Variants in TRIR observed in about 807,000 individuals in gnomAD.
TRIR encodes the protein telomerase RNA component-interacting RNase.
A neutral mutation model predicts 18.2 loss-of-function variants in TRIR; 5 were observed. The observed-to-expected ratio is 0.27, with a 90% CI of 0.14 to 0.58. The LOEUF is 0.58. Among genes scored for constraint, TRIR ranks in the 20% least tolerant of loss-of-function variants. The probability of loss-of-function intolerance (pLI) is 0.91; values close to 1 mark genes in which losing one functional copy is unlikely to be tolerated. For missense variants in TRIR, 206 were observed against 252.8 expected (o/e 0.81, Z 1.25); for synonymous variants, 134 against 114.4 (o/e 1.17, Z -1.10).
rs1967412937 is a variant in TRIR at position 12,730,810 on chromosome 19, A to G, written c.*151T>C. On this transcript the variant is annotated 3_prime_UTR_variant, in exon 3 of 3. Coordinates refer to ENST00000242784, the MANE Select transcript of TRIR (RefSeq NM_024038.4). ...AGGCAAGTGCTCAAGGTAAAAAAAG[A>G]GTCCTGGAGAATCGTCCACGGCTGC... is the stretch of plus-strand genomic sequence containing the variant. 7.3e-6 allele frequency: 5 copies of G among 682,328 alleles called. No homozygotes were observed. The highest frequency in any genetic ancestry group is 3.6e-5 in the African/African-American group (2 of 55,440). The allele number at this position is 682,328 out of a possible 1,614,324, so 42.3% of individuals were successfully genotyped here.
chr19:12,733,012 T>G (rs1338482754), intron 1 of TRIR, among the ~76,000 whole-genome samples: 1 of 152,100 alleles, frequency 6.6e-6, no homozygotes, highest in African/African-American at 2.4e-5. Flanking sequence ...CAAGCGATCC[T>G]CCTGTCTCAG....
chr19:12,731,812 A>G lies in TRIR; in HGVS notation c.346-391T>C, dbSNP rs931821139. 4 of 184,526 alleles carry G rather than the reference A, an allele frequency of 2.2e-5. No homozygotes were observed. The highest frequency in any genetic ancestry group is 3.4e-5 in the Non-Finnish European group (3 of 87,800). The allele number at this position is 184,526 out of a possible 1,614,324, so 11.4% of individuals were successfully genotyped here. On this transcript the variant is annotated intron_variant, in intron 1 of 2. Transcript: ENST00000242784. This position sits in a 1 kb window ranked among gnomAD's most constrained non-coding sequence, Gnocchi z 5.1. ...CTCCTTTCATTTTCACAGCTACCCT[A>G]AGATGAAAGTTAGAACCACCCCCTT...
In TRIR at chr19:12,734,528, C is replaced by G; in HGVS notation, c.130G>C (p.Val44Leu). 1.3e-6 allele frequency: 2 copies of G among 1,535,748 alleles called. No homozygotes were observed. The highest frequency in any genetic ancestry group is 1.7e-6 in the Non-Finnish European group (2 of 1,144,112). The change falls in exon 1 of 3, where the codon GTG becomes CTG. Residue 44 changes from valine to leucine, a missense_variant. This residue lies in a region of TRIR where 172 missense variants were observed against 165.0 expected (regional missense o/e 1.04). Coordinates refer to ENST00000242784, the MANE Select transcript of TRIR (RefSeq NM_024038.4). The surrounding 1 kb of genome is among the most constrained non-coding windows in gnomAD (Gnocchi z 4.1). ...ACCGGGCTCGAACCCGCGCCCGACA[C>G]CTCCTCGTCCCCGCTCTCGGGCGAC... ...GTSPESGDEE[V>L]SGAGSSPVSG...
Position 12,734,198 on chromosome 19 carries a change from C to T in TRIR, c.345+115G>A. ...CCACACCCTCAGCGGGTGACCCGGA[C>T]GGGCCCCTCATTCAGAACGGAAAGT... On this transcript the variant is annotated intron_variant, in intron 1 of 2. Transcript: ENST00000242784. This position sits in a 1 kb window ranked among gnomAD's most constrained non-coding sequence, Gnocchi z 4.1. 1.9e-6 allele frequency: 2 copies of T among 1,072,750 alleles called. No individual in the cohort carries two copies. The highest frequency in any genetic ancestry group is 2.5e-6 in the Non-Finnish European group (2 of 798,654). The allele number at this position is 1,072,750 out of a possible 1,614,324, so 66.5% of individuals were successfully genotyped here. A position where few individuals can be genotyped will look rare whatever the true frequency, so the allele number is the denominator to read the frequency against.
rs962963417 is a variant in TRIR at position 12,730,733 on chromosome 19, T to C, written c.*228A>G. 1.7e-5 allele frequency: 10 copies of C among 573,232 alleles called. No individual in the cohort carries two copies. The highest frequency in any genetic ancestry group is 3.1e-5 in the Non-Finnish European group (10 of 321,078). The allele number at this position is 573,232 out of a possible 1,614,324, so 35.5% of individuals were successfully genotyped here. A position where few individuals can be genotyped will look rare whatever the true frequency, so the allele number is the denominator to read the frequency against. On this transcript the variant is annotated 3_prime_UTR_variant, in exon 3 of 3. Transcript: ENST00000242784. ...GGAAGACAGAAAGAGCCAGAGAGAA[T>C]GAGGAGGTGAGAAGGGGGGGACAGT...
At position 12,731,410 on chromosome 19, in the gene TRIR, G is replaced by A; in HGVS notation, c.357C>T (p.Arg119=). 6.2e-7 allele frequency: 1 copy of A among 1,613,704 alleles called. No individual in the cohort carries two copies. Among genetic ancestry groups the A allele is most frequent in the Non-Finnish European group, 8.5e-7 (1 of 1,179,818 alleles). ...TGAGGGCTAGTTTGTTCCCGCCTCT[G>A]CGTTTGCCCACCTGGGTGAAGGGAC... ...PGSTLSFVGK[R]RGGNKLALKT... The change falls in exon 2 of 3, where the codon CGC becomes CGT. Residue 119 remains arginine (R), a synonymous_variant. Coordinates refer to ENST00000242784, the MANE Select transcript of TRIR (RefSeq NM_024038.4). The surrounding 1 kb of genome is among the most constrained non-coding windows in gnomAD (Gnocchi z 5.1).
chr19:12,734,173 C>T lies in TRIR; in HGVS notation c.345+140G>A, dbSNP rs1458390076. ...ACCCCAGTTGTCGGGAATCCAAGTT[C>T]CACACCCTCAGCGGGTGACCCGGAC... On this transcript the variant is annotated intron_variant, in intron 1 of 2. Coordinates refer to ENST00000242784, the MANE Select transcript of TRIR (RefSeq NM_024038.4). The surrounding 1 kb of genome is among the most constrained non-coding windows in gnomAD (Gnocchi z 4.1). The T allele has an allele frequency of 6.6e-6, 6 of 904,502 alleles. No individual in the cohort carries two copies. Among genetic ancestry groups the T allele is most frequent in the African/African-American group, 1.8e-5 (1 of 56,154 alleles). 56.0% of individuals were successfully genotyped at this position (904,502 alleles called of 1,614,324 possible). A position where few individuals can be genotyped will look rare whatever the true frequency, so the allele number is the denominator to read the frequency against.
In TRIR at chr19:12,731,126, C is replaced by A; in HGVS notation, c.424-58G>T. ...TGCCAGGAACCAGGGTCAGGACTGC[C>A]CTGAGACAGGTGACCCATTCCCAGT... On this transcript the variant is annotated intron_variant, in intron 2 of 2. Coordinates refer to ENST00000242784, the MANE Select transcript of TRIR (RefSeq NM_024038.4). This position sits in a 1 kb window ranked among gnomAD's most constrained non-coding sequence, Gnocchi z 5.1. 1 of 1,449,302 alleles carries A rather than the reference C, an allele frequency of 6.9e-7. No individual in the cohort carries two copies. The highest frequency in any genetic ancestry group is 1.7e-5 in the Admixed American group (1 of 59,738). The allele number at this position is 1,449,302 out of a possible 1,614,324, so 89.8% of individuals were successfully genotyped here.
In TRIR at chr19:12,731,190, A is replaced by G. The variant is rs1967421303; in HGVS notation, c.424-122T>C. 4 of 1,262,138 alleles carry G rather than the reference A, an allele frequency of 3.2e-6. No individual in the cohort carries two copies. Among genetic ancestry groups the G allele is most frequent in the Non-Finnish European group, 4.6e-6 (4 of 867,352 alleles). 78.2% of individuals were successfully genotyped at this position (1,262,138 alleles called of 1,614,324 possible). A position where few individuals can be genotyped will look rare whatever the true frequency, so the allele number is the denominator to read the frequency against. On this transcript the variant is annotated intron_variant, in intron 2 of 2. Coordinates refer to ENST00000242784, the MANE Select transcript of TRIR (RefSeq NM_024038.4). The surrounding 1 kb of genome is among the most constrained non-coding windows in gnomAD (Gnocchi z 5.1). ...CTCTGGGTTTGAGCTGAAGATTATA[A>G]AGTCAAGTTATCTGGGGACCCATTG...
intron 1 of TRIR, among the ~76,000 whole-genome samples, chr19:12,732,882 G>A (rs1967461416): frequency 6.6e-6 from 1 of 151,982 alleles, no homozygotes; most frequent in African/African-American, 2.4e-5. Flanking sequence ...GAGCCACAGA[G>A]CCTGGCCTGC....
Position 12,731,086 on chromosome 19 carries a change from G to T in TRIR, c.424-18C>A. ...GTTAATACCTGTGGAAAGGGGATACGGGTTAGGACGGGGGTGCCAGGAACC... is the reference window on the plus strand; with the variant it reads ...GTTAATACCTGTGGAAAGGGGATACTGGTTAGGACGGGGGTGCCAGGAACC... On this transcript the variant is annotated intron_variant, in intron 2 of 2. Coordinates refer to ENST00000242784, the MANE Select transcript of TRIR (RefSeq NM_024038.4). The surrounding 1 kb of genome is among the most constrained non-coding windows in gnomAD (Gnocchi z 5.1). 1.3e-6 allele frequency: 2 copies of T among 1,597,480 alleles called. No individual in the cohort carries two copies. The highest frequency in any genetic ancestry group is 1.7e-6 in the Non-Finnish European group (2 of 1,165,166).
chr19:12,734,184 G>A lies in TRIR; in HGVS notation c.345+129C>T, dbSNP rs1967486938. On this transcript the variant is annotated intron_variant, in intron 1 of 2. Coordinates refer to ENST00000242784, the MANE Select transcript of TRIR (RefSeq NM_024038.4). The surrounding 1 kb of genome is among the most constrained non-coding windows in gnomAD (Gnocchi z 4.1). ...CGGGAATCCAAGTTCCACACCCTCA[G>A]CGGGTGACCCGGACGGGCCCCTCAT... 1.0e-6 allele frequency: 1 copy of A among 980,508 alleles called. No homozygotes were observed. Among genetic ancestry groups the A allele is most frequent in the South Asian group, 2.0e-5 (1 of 49,564 alleles). 60.7% of individuals were successfully genotyped at this position (980,508 alleles called of 1,614,324 possible). A position where few individuals can be genotyped will look rare whatever the true frequency, so the allele number is the denominator to read the frequency against.
chr19:12,732,541 A>G (rs1300184888), intron 1 of TRIR, among the ~76,000 whole-genome samples: 1 of 151,782 alleles, frequency 6.6e-6, no homozygotes, highest in Non-Finnish European at 1.5e-5. Flanking sequence ...AGGGGCTCCA[A>G]CAGTCTTCAC....
chr19:12,734,493 G>C lies in TRIR; in HGVS notation c.165C>G (p.Gly55=), dbSNP rs1351639579. 4 of 1,535,606 alleles carry C rather than the reference G, an allele frequency of 2.6e-6. No individual in the cohort carries two copies. In the South Asian group the frequency reaches 4.8e-5, roughly 19 times the overall value. The change falls in exon 1 of 3, where the codon GGC becomes GGG. Residue 55 remains glycine (G), a synonymous_variant. Transcript: ENST00000242784. This position sits in a 1 kb window ranked among gnomAD's most constrained non-coding sequence, Gnocchi z 4.1. ...SGAGSSPVSG[G]VNLFANDGSF... Reference sequence around the variant, plus strand: ...TGCCGTCGTTGGCGAACAAGTTCACGCCGCCCGACACCGGGCTCGAACCCG... The same window carrying C: ...TGCCGTCGTTGGCGAACAAGTTCACCCCGCCCGACACCGGGCTCGAACCCG...
At chr19:12,733,809 C>T (rs1031928305) in intron 1 of TRIR, among the ~76,000 whole-genome samples, 2 of 152,192 alleles carry the variant, frequency 1.3e-5, no homozygotes, top group African/African-American at 4.8e-5. Flanking sequence ...CTCACCACTG[C>T]ATACCAGCAC....
chr19:12,734,614 G>T lies in TRIR; in HGVS notation c.44C>A (p.Ala15Asp), dbSNP rs1202450460. ...GRRAEPQGREAPGPAGGGGGG... is the reference protein window; with the variant it reads ...GRRAEPQGREDPGPAGGGGGG... Reference sequence around the variant, plus strand: ...ACCGCCACCGCCCGCGGGGCCCGGAGCCTCCCGGCCCTGAGGCTCCGCCCG... The same window carrying T: ...ACCGCCACCGCCCGCGGGGCCCGGATCCTCCCGGCCCTGAGGCTCCGCCCG... Residue 15 changes from alanine (A) to aspartate (D), a missense_variant, in exon 1 of 3, where the codon GCT becomes GAT. Ala to Asp is a moderately radical substitution (Grantham distance 126). Coordinates refer to ENST00000242784, the MANE Select transcript of TRIR (RefSeq NM_024038.4). The surrounding 1 kb of genome is among the most constrained non-coding windows in gnomAD (Gnocchi z 4.1). The T allele has an allele frequency of 6.6e-7, 1 of 1,517,352 alleles. No individual in the cohort carries two copies. Among genetic ancestry groups the T allele is most frequent in the Non-Finnish European group, 8.8e-7 (1 of 1,139,156 alleles). 94.0% of individuals were successfully genotyped at this position (1,517,352 alleles called of 1,614,324 possible).
In TRIR at chr19:12,734,286, C is replaced by G; in HGVS notation, c.345+27G>C. 1 of 1,382,608 alleles carries G rather than the reference C, an allele frequency of 7.2e-7. No individual in the cohort carries two copies. Among genetic ancestry groups the G allele is most frequent in the East Asian group, 3.1e-5 (1 of 32,672 alleles). The allele number at this position is 1,382,608 out of a possible 1,614,324, so 85.6% of individuals were successfully genotyped here. ...CCCGCTGCCAAGACAGGCCGTGGCG[C>G]CCGCCCCCACCCCCACGGCTCCTTA... On this transcript the variant is annotated intron_variant, in intron 1 of 2. Transcript: ENST00000242784. The surrounding 1 kb of genome is among the most constrained non-coding windows in gnomAD (Gnocchi z 4.1).
chr19:12,733,464 T>C (rs958745822), intron 1 of TRIR, among the ~76,000 whole-genome samples: 3 of 152,192 alleles, frequency 2.0e-5, no homozygotes, highest in Admixed American at 6.5e-5. Flanking sequence ...TATTCTTTGT[T>C]TGGGGGTGGG....
chr19:12,731,425 G>A lies in TRIR; in HGVS notation c.346-4C>T, dbSNP rs1042515072. On this transcript the variant is annotated splice_polypyrimidine_tract_variant and splice_region_variant and intron_variant, in intron 1 of 2. Transcript: ENST00000242784. This position sits in a 1 kb window ranked among gnomAD's most constrained non-coding sequence, Gnocchi z 5.1. ...TCCCGCCTCTGCGTTTGCCCACCTGGGTGAAGGGACAGAAGACTGCAACGG... is the reference window on the plus strand; with the variant it reads ...TCCCGCCTCTGCGTTTGCCCACCTGAGTGAAGGGACAGAAGACTGCAACGG... 6.2e-7 allele frequency: 1 copy of A among 1,612,634 alleles called. No individual in the cohort carries two copies. The highest frequency in any genetic ancestry group is 1.3e-5 in the African/African-American group (1 of 74,952).
Sources: gnomAD v4.1 joint callset for allele counts (sites outside exome capture counted in the v4.1 genomes callset) on GRCh38, gnomAD v4.1.1 for gene constraint, gnomAD v4.1.1 regional missense constraint, Gnocchi (gnomAD v3.1) non-coding constraint, MANE v1.5 for transcripts, NCBI Gene and HGNC (gene_info 2026-07-23, HGNC 2026-07-21) for gene names.